Variants in RBFOX1 observed in about 807,000 individuals in gnomAD.
RBFOX1 encodes the protein RNA binding fox-1 homolog 1.
In RBFOX1, 8 loss-of-function variants were observed where a neutral mutation model predicts 57.7. The ratio of observed to expected loss-of-function variants is 0.14; its 90% CI spans 0.08 to 0.25. The LOEUF (loss-of-function observed/expected upper bound fraction) is 0.25, where lower values mean the gene tolerates loss of function less well. RBFOX1 is among the 10% of genes least tolerant of loss of function. RBFOX1 has a pLI of 1.00. For synonymous variants in RBFOX1, 326 were observed against 222.4 expected (o/e 1.47, Z -4.15); for missense variants, 611 against 548.5 (o/e 1.11, Z -1.14).
intron 1 of RBFOX1, among the ~76,000 whole-genome samples, chr16:6,218,853 GA>G (rs76069723): frequency 1.8e-3 from 29 of 16,022 alleles, no homozygotes; most frequent in African/African-American, 2.1e-3. Flanking sequence ...ATTGAAGCCA[GA>G]AAAAAAAAAA....
intron 3 of RBFOX1, among the ~76,000 whole-genome samples, chr16:6,951,103 C>G (rs2080658952): frequency 1.3e-5 from 2 of 152,000 alleles, no homozygotes. Flanking sequence ...GACAGGGACT[C>G]CCTATGTTGC....
chr16:5,329,164 T>G (rs992625054), intron 1 of RBFOX1, among the ~76,000 whole-genome samples: 1 of 152,210 alleles, frequency 6.6e-6, no homozygotes, highest in African/African-American at 2.4e-5. Flanking sequence ...GTAACTAAAG[T>G]TGAAAACCGT....
At chr16:7,383,082 C>G (rs543576654) in intron 4 of RBFOX1, among the ~76,000 whole-genome samples, 11 of 152,056 alleles carry the variant, frequency 7.2e-5, no homozygotes, top group African/African-American at 2.4e-4. Flanking sequence ...ATGCAATATC[C>G]AGTTGATCTT....
At chr16:5,246,607 C>G (rs757043563) in intron 1 of RBFOX1, among the ~76,000 whole-genome samples, 4 of 152,112 alleles carry the variant, frequency 2.6e-5, no homozygotes, top group Non-Finnish European at 5.9e-5. Context: ...CATCTGCCCA[C>G]TTCCCCACCC....
intron 1 of RBFOX1, among the ~76,000 whole-genome samples, chr16:5,368,699 G>A (rs565135868): frequency 9.2e-5 from 14 of 152,126 alleles, no homozygotes; most frequent in Admixed American, 7.2e-4. Flanking sequence ...TTTCAGGGGG[G>A]CAGGAGGGGC....
chr16:6,867,732 A>G (rs1464367698), intron 3 of RBFOX1, among the ~76,000 whole-genome samples: 1 of 152,180 alleles, frequency 6.6e-6, no homozygotes, highest in Non-Finnish European at 1.5e-5. Context: ...AAGGGATCCA[A>G]CAGATATTTA....
At chr16:5,674,864 T>C (rs968662277) in intron 3 of RBFOX1, among the ~76,000 whole-genome samples, 2 of 152,092 alleles carry the variant, frequency 1.3e-5, no homozygotes, top group African/African-American at 4.8e-5. Context: ...ACATTGTGGC[T>C]GAATATGGTG....
At chr16:6,887,860 C>G (rs2064473187) in intron 3 of RBFOX1, among the ~76,000 whole-genome samples, 1 of 152,036 alleles carries the variant, frequency 6.6e-6, no homozygotes, top group South Asian at 2.1e-4. Flanking sequence ...GTGGGGTTTG[C>G]CATGTTGGCC....
chr16:5,597,492 C>T (rs1316135760), intron 2 of RBFOX1, among the ~76,000 whole-genome samples: 1 of 150,716 alleles, frequency 6.6e-6, no homozygotes, highest in Non-Finnish European at 1.5e-5. Context: ...CTGTACCTCC[C>T]AGGTTCAAGC....
intron 2 of RBFOX1, among the ~76,000 whole-genome samples, chr16:6,512,573 C>G (rs1250911737): frequency 6.6e-6 from 1 of 152,138 alleles, no homozygotes; most frequent in Non-Finnish European, 1.5e-5. Flanking sequence ...TCTTTTTAGT[C>G]TTCTGCCTCC....
intron 4 of RBFOX1, among the ~76,000 whole-genome samples, chr16:7,498,201 G>C (rs1319755441): frequency 6.6e-6 from 1 of 152,124 alleles, no homozygotes; most frequent in Non-Finnish European, 1.5e-5. Flanking sequence ...CCCTGTTCTG[G>C]ATATATCTCC....
In RBFOX1 at chr16:6,660,061, C is replaced by T. The variant is rs181550230; in HGVS notation, c.-16+5411C>T. On this transcript the variant is annotated intron_variant, in intron 3 of 15. Coordinates refer to ENST00000550418, the MANE Select transcript of RBFOX1 (RefSeq NM_018723.4). ...CCAACATAGTGAAACATCATCTCTA[C>T]CACAAATACAAAAATTTCCTGGGTG... is the stretch of plus-strand genomic sequence containing the variant. 7.9e-5 allele frequency among the ~76,000 whole-genome samples: 12 copies of T among 151,938 alleles called. No homozygotes were observed. The East Asian group carries it at 2.1e-3, about 27-fold the overall frequency.
At chr16:7,378,695 C>G (rs1177298606) in intron 4 of RBFOX1, among the ~76,000 whole-genome samples, 1 of 152,154 alleles carries the variant, frequency 6.6e-6, no homozygotes, top group East Asian at 1.9e-4. Flanking sequence ...CCAGGCACTT[C>G]CTTTTTCCCT....
At chr16:6,788,564 CT>C (rs2082360122) in intron 3 of RBFOX1, among the ~76,000 whole-genome samples, 1 of 151,914 alleles carries the variant, frequency 6.6e-6, no homozygotes, top group Admixed American at 6.6e-5. Flanking sequence ...CAAGCTCTGC[CT>C]TCTGGGTTCA....
intron 2 of RBFOX1, among the ~76,000 whole-genome samples, chr16:6,643,713 G>C (rs2098510531): frequency 6.6e-6 from 1 of 152,084 alleles, no homozygotes; most frequent in African/African-American, 2.4e-5. Flanking sequence ...CGGAGTGGTA[G>C]GAAGCCAATT....
intron 4 of RBFOX1, among the ~76,000 whole-genome samples, chr16:7,148,113 C>T (rs150201850): frequency 1.5e-4 from 23 of 152,254 alleles, no homozygotes; most frequent in Non-Finnish European, 3.2e-4. Context: ...TAGGAAGTGA[C>T]GCACAATTGA....
At chr16:5,263,291 G>C (rs1262135248) in intron 1 of RBFOX1, among the ~76,000 whole-genome samples, 1 of 151,990 alleles carries the variant, frequency 6.6e-6, no homozygotes, top group African/African-American at 2.4e-5. Flanking sequence ...AATAATTGCT[G>C]TTTTTGCCAT....
chr16:5,682,163 A>G (rs940189325), intron 3 of RBFOX1, among the ~76,000 whole-genome samples: 5 of 152,180 alleles, frequency 3.3e-5, no homozygotes, highest in African/African-American at 9.7e-5. Context: ...ATTAATGTAA[A>G]TTAATGATTG....
intron 3 of RBFOX1, among the ~76,000 whole-genome samples, chr16:5,710,024 A>G (rs1273175948): frequency 6.6e-6 from 1 of 150,414 alleles, no homozygotes; most frequent in Non-Finnish European, 1.5e-5. Flanking sequence ...CTGTACGCTG[A>G]AGGGTTTTGT....
Sources: gnomAD v4.1 joint callset for allele counts (sites outside exome capture counted in the v4.1 genomes callset) on GRCh38, gnomAD v4.1.1 for gene constraint, MANE v1.5 for transcripts, NCBI Gene and HGNC (gene_info 2026-07-23, HGNC 2026-07-21) for gene names.